SUGCT: variants seen among roughly 807,000 people sequenced by gnomAD.
The protein encoded by SUGCT is succinyl-CoA:glutarate-CoA transferase.
A neutral mutation model predicts 55.0 loss-of-function variants in SUGCT; 41 were observed. The ratio of observed to expected loss-of-function variants is 0.74; its 90% CI spans 0.58 to 0.97. SUGCT has a LOEUF of 0.97. Among genes scored for constraint, SUGCT ranks in the 50% least tolerant of loss-of-function variants. The pLI, the probability that SUGCT is intolerant of heterozygous loss-of-function variation, is 0.00. For missense variants in SUGCT, 568 were observed against 547.8 expected (o/e 1.04, Z -0.37); for synonymous variants, 187 against 200.4 (o/e 0.93, Z 0.56).
chr7:40,180,992 T>A lies in SUGCT; in HGVS notation c.146T>A (p.Leu49Gln), dbSNP rs1013453163. The A allele has an allele frequency of 6.2e-6, 10 of 1,608,826 alleles. No homozygotes were observed. The highest frequency in any genetic ancestry group is 8.5e-6 in the Non-Finnish European group (10 of 1,175,584). Residue 49 changes from leucine to glutamine, a missense_variant, in exon 2 of 14, where the codon CTA becomes CAA. Transcript: ENST00000335693. ...KPLEGVKILDLTRVLAGPFAT... is the reference protein window; with the variant it reads ...KPLEGVKILDQTRVLAGPFAT... ...TTGGAAGGGGTAAAAATTCTGGATC[T>A]AACAAGGTTTGTATTGGTTTATCTA...
intron 12 of SUGCT, among the ~76,000 whole-genome samples, chr7:40,575,125 TG>T (rs1491375845): frequency 7.3e-6 from 1 of 136,960 alleles, no homozygotes; most frequent in African/African-American, 3.2e-5. Context: ...GTGGCGGGGG[TG>T]GGGGTGGAGA....
intron 12 of SUGCT, among the ~76,000 whole-genome samples, chr7:40,669,823 C>T (rs1333459602): frequency 6.6e-6 from 1 of 151,428 alleles, no homozygotes; most frequent in African/African-American, 2.4e-5. Context: ...ATCTAACAGC[C>T]CTGTTACTGG....
chr7:40,662,813 TA>T (rs1467164172), intron 12 of SUGCT, among the ~76,000 whole-genome samples: 1 of 152,300 alleles, frequency 6.6e-6, no homozygotes, highest in African/African-American at 2.4e-5. Context: ...TGTTACCTTT[TA>T]AAAAAATTAA....
intron 9 of SUGCT, among the ~76,000 whole-genome samples, chr7:40,358,717 A>AAAC (rs71560193): frequency 0.044 from 6,644 of 150,660 alleles, 243 homozygotes; most frequent in East Asian, 0.16. Context: ...TCCATCTCAA[A>AAAC]AACAACAACA....
rs1172421700 is a variant in SUGCT, at chr7:40,135,093, G to A, written c.73G>A (p.Gly25Arg). 1.3e-6 allele frequency: 2 copies of A among 1,559,174 alleles called. No individual in the cohort carries two copies. Among genetic ancestry groups the A allele is most frequent in the Non-Finnish European group, 1.7e-6 (2 of 1,152,730 alleles). The change falls in exon 1 of 14, where the codon GGG becomes AGG. Residue 25 changes from glycine (G) to arginine (R), a missense_variant. Physicochemically the swap from Gly to Arg is moderately radical, Grantham distance 125. Coordinates refer to ENST00000335693, the MANE Select transcript of SUGCT (RefSeq NM_001193313.2). Reference sequence around the variant, plus strand: ...CTTCTCCGGCCGGGGCGGCGGGAGGGGGCTGTGGACTGGCCGCCCGCAGTC... The same window carrying A: ...CTTCTCCGGCCGGGGCGGCGGGAGGAGGCTGTGGACTGGCCGCCCGCAGTC... ...CLFSGRGGGRGLWTGRPQSDM... is the reference protein window; with the variant it reads ...CLFSGRGGGRRLWTGRPQSDM...
rs545210359 is a variant in SUGCT at position 40,314,715 on chromosome 7, C to T, written c.721-2045C>T. Reference sequence around the variant, plus strand: ...AAGTAGCTGGGATTACAGGCATGTGCCACCATGCCTGGCTAATTTTGTATT... The same window carrying T: ...AAGTAGCTGGGATTACAGGCATGTGTCACCATGCCTGGCTAATTTTGTATT... On this transcript the variant is annotated intron_variant, in intron 8 of 13. Coordinates refer to ENST00000335693, the MANE Select transcript of SUGCT (RefSeq NM_001193313.2). Among the ~76,000 whole-genome samples the T allele has an allele frequency of 3.3e-5, 5 of 151,964 alleles. No homozygotes were observed. In the South Asian group the frequency reaches 1.0e-3, roughly 32 times the overall value.
At chr7:41,024,630 A>C in the SUGCT span, among the ~76,000 whole-genome samples, 1 of 150,556 alleles carries the variant, frequency 6.6e-6, no homozygotes, top group Non-Finnish European at 1.5e-5. Context: ...TAAATCAGCA[A>C]TGAAATGTCT....
intron 12 of SUGCT, among the ~76,000 whole-genome samples, chr7:40,556,006 T>C (rs761492545): frequency 6.6e-6 from 1 of 152,178 alleles, no homozygotes; most frequent in Non-Finnish European, 1.5e-5. Context: ...AAAGTATGCC[T>C]GTCTTTCTGC....
chr7:40,285,846 AAT>A (rs1375283275), intron 8 of SUGCT, among the ~76,000 whole-genome samples: 2 of 152,212 alleles, frequency 1.3e-5, no homozygotes, highest in Non-Finnish European at 2.9e-5. Flanking sequence ...AGAGCTTAGC[AAT>A]CTAACATTAT....
the SUGCT span, among the ~76,000 whole-genome samples, chr7:41,029,740 C>A: frequency 6.6e-6 from 1 of 152,142 alleles, no homozygotes. Flanking sequence ...ATTGATGAAC[C>A]AATATTATTA....
At chr7:40,625,737 A>G (rs1217895788) in intron 12 of SUGCT, among the ~76,000 whole-genome samples, 1 of 152,120 alleles carries the variant, frequency 6.6e-6, no homozygotes, top group Non-Finnish European at 1.5e-5. Flanking sequence ...TGCAACATTA[A>G]CACAGTATAG....
chr7:40,915,700 C>T, the SUGCT span, among the ~76,000 whole-genome samples: 1 of 127,954 alleles, frequency 7.8e-6, no homozygotes, highest in Non-Finnish European at 1.6e-5. Context: ...CATTCTCCTG[C>T]TGGGACAGGC....
chr7:40,939,621 C>T, the SUGCT span, among the ~76,000 whole-genome samples: 1 of 152,058 alleles, frequency 6.6e-6, no homozygotes, highest in Non-Finnish European at 1.5e-5. Context: ...TTTTAATTTG[C>T]ATGTCCCTGA....
intron 12 of SUGCT, among the ~76,000 whole-genome samples, chr7:40,535,992 C>T (rs1794341250): frequency 6.6e-6 from 1 of 152,052 alleles, no homozygotes; most frequent in South Asian, 2.1e-4. Flanking sequence ...CTCTTCATAC[C>T]TTTTGCCCAT....
chr7:40,480,141 A>G (rs1040155114), intron 11 of SUGCT, among the ~76,000 whole-genome samples: 3 of 152,004 alleles, frequency 2.0e-5, no homozygotes, highest in African/African-American at 7.2e-5. Flanking sequence ...TATTAGTTAT[A>G]TCGTTTTATG....
At position 40,186,172 on chromosome 7, in the gene SUGCT, CTT is replaced by C. The variant is rs199616924; in HGVS notation, c.227-2321_227-2320del. On this transcript the variant is annotated intron_variant, in intron 3 of 13. Transcript: ENST00000335693. ...CTCCTTCTTTTCCTTCCTTCCTTCT[CTT>C]TCTTTTCTCTTTTATTCCTTCCCCT... Among the ~76,000 whole-genome samples, 305 of 145,598 alleles carry C rather than the reference CTT, an allele frequency of 2.1e-3. 4 individuals carry two copies. Among genetic ancestry groups the C allele is most frequent in the African/African-American group, 7.3e-3 (279 of 38,466 alleles).
intron 12 of SUGCT, among the ~76,000 whole-genome samples, chr7:40,570,571 A>G (rs1796387520): frequency 6.6e-6 from 1 of 152,240 alleles, no homozygotes; most frequent in Non-Finnish European, 1.5e-5. Flanking sequence ...TAAGTTAAAC[A>G]TCACCAGGCT....
chr7:40,283,955 T>C (rs1040832710), intron 8 of SUGCT, among the ~76,000 whole-genome samples: 2 of 152,210 alleles, frequency 1.3e-5, no homozygotes, highest in African/African-American at 4.8e-5. Context: ...ATATGCAATG[T>C]AATTTGGTTT....
At chr7:40,943,437 C>A in the SUGCT span, among the ~76,000 whole-genome samples, 4 of 111,778 alleles carry the variant, frequency 3.6e-5, no homozygotes, top group Non-Finnish European at 5.4e-5. Flanking sequence ...CCCCTCCCCC[C>A]ACCCCACAAC....
Sources: gnomAD v4.1 joint callset for allele counts (sites outside exome capture counted in the v4.1 genomes callset) on GRCh38, gnomAD v4.1.1 for gene constraint, MANE v1.5 for transcripts, NCBI Gene and HGNC (gene_info 2026-07-23, HGNC 2026-07-21) for gene names.